The following RFTN1 variants were observed in gnomAD, a reference collection of about 807,000 sequenced individuals.
RFTN1 encodes raftlin, lipid raft linker 1, also known as raftlin.
In RFTN1, 26 loss-of-function variants were observed where a neutral mutation model predicts 46.5. That is an observed-to-expected ratio of 0.56 (90% CI 0.41 to 0.78). The LOEUF is 0.78. Among genes scored for constraint, RFTN1 ranks in the 30% least tolerant of loss-of-function variants. RFTN1 has a pLI of 0.00. For synonymous variants in RFTN1, 261 were observed against 284.2 expected, an observed-to-expected ratio of 0.92 and a Z score of 0.82; for missense variants, 693 against 718.7, an observed-to-expected ratio of 0.96 and a Z score of 0.41.
chr3:16,415,409 G>GTATATATATATATATATATATATATA (rs367960866), intron 3 of RFTN1, among the ~76,000 whole-genome samples: 10 of 104,540 alleles, frequency 9.6e-5, no homozygotes, highest in South Asian at 3.4e-4. Flanking sequence ...AGACAGTTGA[G>GTATATATATATATATATATATATATA]TATATATATA....
rs969502943 is a variant in RFTN1, at chr3:16,374,905, C to G, written c.826+2813G>C. ...GGAGGCGTGACGGCTGCACCGAGCC[C>G]GCAGAGATGGGGAGGGACGACCTGC... On this transcript the variant is annotated intron_variant, in intron 5 of 9. Transcript: ENST00000334133. The surrounding 1 kb of genome is among the most constrained non-coding windows in gnomAD (Gnocchi z 5.4). 6.6e-6 allele frequency among the ~76,000 whole-genome samples: 1 copy of G among 152,138 alleles called. No homozygotes were observed. The highest frequency in any genetic ancestry group is 1.5e-5 in the Non-Finnish European group (1 of 68,018).
intron 2 of RFTN1, chr3:16,454,757 A>T: frequency 1.0e-6 from 1 of 985,330 alleles, no homozygotes; most frequent in Non-Finnish European, 1.2e-6. Flanking sequence ...TCCTTGTGTC[A>T]AGGCACCATC....
Position 16,483,325 on chromosome 3 carries a change from A to G in RFTN1, c.145+10400T>C, listed in dbSNP as rs2124974114. Among the ~76,000 whole-genome samples the G allele has an allele frequency of 6.6e-6, 1 of 152,192 alleles. No homozygotes were observed. Among genetic ancestry groups the G allele is most frequent in the East Asian group, 1.9e-4 (1 of 5,188 alleles). On this transcript the variant is annotated intron_variant, in intron 2 of 9. Transcript: ENST00000334133. This position sits in a 1 kb window ranked among gnomAD's most constrained non-coding sequence, Gnocchi z 4.8. ...TTCTCTTCCTTCCTTTCCCTAGTTTACGATGTTGGGCTCCCCTGTAAAGCA... is the reference window on the plus strand; with the variant it reads ...TTCTCTTCCTTCCTTTCCCTAGTTTGCGATGTTGGGCTCCCCTGTAAAGCA...
chr3:16,502,241 G>T (rs904021730), intron 1 of RFTN1, among the ~76,000 whole-genome samples: 2 of 152,032 alleles, frequency 1.3e-5, no homozygotes, highest in African/African-American at 4.8e-5. Flanking sequence ...GACATGGCAG[G>T]TCCCAGCTAC....
intron 6 of RFTN1, among the ~76,000 whole-genome samples, chr3:16,362,631 C>A (rs2072904460): frequency 1.3e-5 from 2 of 152,192 alleles, no homozygotes; most frequent in South Asian, 4.1e-4. Context: ...ATCAACACAG[C>A]ACACATTTCC....
intron 2 of RFTN1, chr3:16,454,670 C>T (rs1236105623): frequency 4.4e-6 from 3 of 681,988 alleles, no homozygotes; most frequent in Non-Finnish European, 5.4e-6. Context: ...CATTCCCTAA[C>T]TGCTTAGAGA....
Position 16,429,664 on chromosome 3 carries a change from A to C in RFTN1, c.332+4187T>G, listed in dbSNP as rs554276431. On this transcript the variant is annotated intron_variant, in intron 3 of 9. Coordinates refer to ENST00000334133, the MANE Select transcript of RFTN1 (RefSeq NM_015150.2). The surrounding 1 kb of genome is among the most constrained non-coding windows in gnomAD (Gnocchi z 6.4). Reference sequence around the variant, plus strand: ...CCTAGCACAATACTCTGAAAAGAGTACTCACTCAGCAAGTGTTAGTGAATG... The same window carrying C: ...CCTAGCACAATACTCTGAAAAGAGTCCTCACTCAGCAAGTGTTAGTGAATG... Among the ~76,000 whole-genome samples, 2 of 152,302 alleles carry C rather than the reference A, an allele frequency of 1.3e-5. No homozygotes were observed. The highest frequency in any genetic ancestry group is 3.8e-4 in the East Asian group (2 of 5,196).
In RFTN1 at chr3:16,387,570, TTCTCTCTCTCTC is replaced by T. The variant is rs3054539; in HGVS notation, c.442-9480_442-9469del. 5.7e-3 allele frequency among the ~76,000 whole-genome samples: 667 copies of T among 116,470 alleles called. 3 individuals are homozygous for T. Among genetic ancestry groups the T allele is most frequent in the Middle Eastern group, 0.017 (4 of 230 alleles). The allele number at this position is 116,470 out of a possible 152,430, so 76.4% of individuals were successfully genotyped here. On this transcript the variant is annotated intron_variant, in intron 4 of 9. Coordinates refer to ENST00000334133, the MANE Select transcript of RFTN1 (RefSeq NM_015150.2). This position sits in a 1 kb window ranked among gnomAD's most constrained non-coding sequence, Gnocchi z 5.2. ...CACTTCTCTCTTCTATATCCTCAAT[TTCTCTCTCTCTC>T]TCTCTCTCTCTCTCTCTCTCTCTCT... is the stretch of plus-strand genomic sequence containing the variant.
At chr3:16,488,839 G>A (rs1301326491) in intron 2 of RFTN1, among the ~76,000 whole-genome samples, 1 of 152,156 alleles carries the variant, frequency 6.6e-6, no homozygotes, top group Non-Finnish European at 1.5e-5. Context: ...CTGGGTTACT[G>A]CAAACATAAA....
chr3:16,369,971 G>A, intron 6 of RFTN1, 105 bp downstream of exon 6: 3 of 1,064,606 alleles, frequency 2.8e-6, no homozygotes, highest in Admixed American at 1.8e-5. Context: ...GTTATCGGCT[G>A]CAGAGCTTTC....
At chr3:16,502,959 G>C (rs1304482295) in intron 1 of RFTN1, among the ~76,000 whole-genome samples, 1 of 152,216 alleles carries the variant, frequency 6.6e-6, no homozygotes, top group Non-Finnish European at 1.5e-5. Flanking sequence ...GCTCCTATAT[G>C]AGAAGTGGCA....
intron 7 of RFTN1, among the ~76,000 whole-genome samples, chr3:16,339,048 T>C (rs1325747069): frequency 1.3e-5 from 2 of 152,220 alleles, no homozygotes; most frequent in Non-Finnish European, 2.9e-5. Context: ...TTCACTGTCC[T>C]AGCTAACAAC....
chr3:16,444,289 T>C (rs985125033), intron 2 of RFTN1, among the ~76,000 whole-genome samples: 6 of 152,226 alleles, frequency 3.9e-5, no homozygotes, highest in Non-Finnish European at 8.8e-5. Flanking sequence ...CTAATGAGTA[T>C]GTACAAACAA....
rs956253650 is a variant in RFTN1 at position 16,317,372 on chromosome 3, G to A, written c.1333-140C>T. 1.1e-5 allele frequency: 9 copies of A among 849,218 alleles called. No homozygotes were observed. In the African/African-American group the frequency reaches 1.4e-4, roughly 13 times the overall value. 52.6% of individuals were successfully genotyped at this position (849,218 alleles called of 1,614,324 possible). On this transcript the variant is annotated intron_variant, in intron 9 of 9. Transcript: ENST00000334133. The surrounding 1 kb of genome is among the most constrained non-coding windows in gnomAD (Gnocchi z 4.3). ...AGCATCCCCCAGCCAGGCAGTACAG[G>A]CACCAAACTTGAATCGCACACTATC...
At chr3:16,419,973 G>T (rs997268815) in intron 3 of RFTN1, among the ~76,000 whole-genome samples, 16 of 152,210 alleles carry the variant, frequency 1.1e-4, no homozygotes, top group Non-Finnish European at 2.4e-4. Flanking sequence ...AGGGAGCTGT[G>T]CATGCCTACT....
rs1027753815 is a variant in RFTN1 at position 16,448,902 on chromosome 3, C to T, written c.146-14865G>A. ...CAGAGATTATTCATAGCAGAAATATCAATAGACAGTAGGCCCTCCAGTTGG... is the reference window on the plus strand; with the variant it reads ...CAGAGATTATTCATAGCAGAAATATTAATAGACAGTAGGCCCTCCAGTTGG... On this transcript the variant is annotated intron_variant, in intron 2 of 9. Transcript: ENST00000334133. This position sits in a 1 kb window ranked among gnomAD's most constrained non-coding sequence, Gnocchi z 4.1. 6.6e-6 allele frequency among the ~76,000 whole-genome samples: 1 copy of T among 152,170 alleles called. No homozygotes were observed. The highest frequency in any genetic ancestry group is 1.5e-5 in the Non-Finnish European group (1 of 68,020).
At position 16,337,408 on chromosome 3, in the gene RFTN1, A is replaced by G. The variant is rs981624306; in HGVS notation, c.1147-10532T>C. 1 of 152,166 alleles carries G rather than the reference A, an allele frequency of 6.6e-6. No homozygotes were observed. The highest frequency in any genetic ancestry group is 1.5e-5 in the Non-Finnish European group (1 of 68,040). 9.4% of individuals were successfully genotyped at this position (152,166 alleles called of 1,614,324 possible). On this transcript the variant is annotated intron_variant, in intron 7 of 9. Transcript: ENST00000334133. This position sits in a 1 kb window ranked among gnomAD's most constrained non-coding sequence, Gnocchi z 5.0. Reference sequence around the variant, plus strand: ...ATTACTATTATTCTAAGAACCAAATACCAGGCAAACCTCTAGGAGGAAAAT... The same window carrying G: ...ATTACTATTATTCTAAGAACCAAATGCCAGGCAAACCTCTAGGAGGAAAAT...
chr3:16,457,053 T>C lies in RFTN1; in HGVS notation c.146-23016A>G, dbSNP rs1273394231. Among the ~76,000 whole-genome samples, 1 of 152,230 alleles carries C rather than the reference T, an allele frequency of 6.6e-6. No homozygotes were observed. Among genetic ancestry groups the C allele is most frequent in the Non-Finnish European group, 1.5e-5 (1 of 68,028 alleles). On this transcript the variant is annotated intron_variant, in intron 2 of 9. Transcript: ENST00000334133. This position sits in a 1 kb window ranked among gnomAD's most constrained non-coding sequence, Gnocchi z 4.2. ...ATTGCTATAAGAACTTTAATAAGTA[T>C]ATGTGAAACTTTCTGGTAGCTGGCA...
At position 16,380,321 on chromosome 3, in the gene RFTN1, A is replaced by C. The variant is rs2073943080; in HGVS notation, c.442-2219T>G. Among the ~76,000 whole-genome samples the C allele has an allele frequency of 6.6e-6, 1 of 152,238 alleles. No homozygotes were observed. The highest frequency in any genetic ancestry group is 1.5e-5 in the Non-Finnish European group (1 of 68,038). ...TGGCAAGTGCGCCAAAGGATGGGGCACAAAGACGGTATCTCTAACCTCTCT... is the reference window on the plus strand; with the variant it reads ...TGGCAAGTGCGCCAAAGGATGGGGCCCAAAGACGGTATCTCTAACCTCTCT... On this transcript the variant is annotated intron_variant, in intron 4 of 9. Transcript: ENST00000334133. The surrounding 1 kb of genome is among the most constrained non-coding windows in gnomAD (Gnocchi z 4.8).
Sources: allele counts gnomAD v4.1 joint callset (sites outside exome capture counted in the v4.1 genomes callset), GRCh38; gene constraint gnomAD v4.1.1; non-coding constraint Gnocchi (gnomAD v3.1); transcripts MANE v1.5; gene names NCBI Gene and HGNC (gene_info 2026-07-23, HGNC 2026-07-21).